Variants in VAV2 observed in about 807,000 individuals in gnomAD.
The protein encoded by VAV2 is vav guanine nucleotide exchange factor 2, also known as guanine nucleotide exchange factor VAV2.
VAV2 carries 67 observed loss-of-function variants against 132.5 expected under a neutral mutation model. That is an observed-to-expected ratio of 0.51 (90% CI 0.42 to 0.62). The LOEUF is 0.62. VAV2 is among the 20% of genes least tolerant of loss of function. The pLI, the probability that VAV2 is intolerant of heterozygous loss-of-function variation, is 0.00. For synonymous variants in VAV2, 492 were observed against 443.5 expected (o/e 1.11, Z -1.37); for missense variants, 938 against 1,153.6 (o/e 0.81, Z 2.71).
In VAV2 at chr9:133,991,916, G is replaced by A. The variant is rs1362732797; in HGVS notation, c.204+159C>T. On this transcript the variant is annotated intron_variant, in intron 1 of 29. Transcript: ENST00000371850. This position sits in a 1 kb window ranked among gnomAD's most constrained non-coding sequence, Gnocchi z 4.8. ...CGCCTCCTGAGGTCGCGTCTCGGAG[G>A]CCCGGGGCGCACCCTCCAGCCGCCC... Among the ~76,000 whole-genome samples, 1 of 150,718 alleles carries A rather than the reference G, an allele frequency of 6.6e-6. No homozygotes were observed. The highest frequency in any genetic ancestry group is 1.5e-5 in the Non-Finnish European group (1 of 67,544).
chr9:133,899,279 G>A (rs1028294749), intron 2 of VAV2, among the ~76,000 whole-genome samples: 3 of 151,844 alleles, frequency 2.0e-5, no homozygotes, highest in East Asian at 2.0e-4. Flanking sequence ...TCCTCAGGCC[G>A]GGTGCAGTGG....
chr9:133,821,243 AC>A (rs1297767471), intron 4 of VAV2, among the ~76,000 whole-genome samples: 1 of 152,230 alleles, frequency 6.6e-6, no homozygotes, highest in African/African-American at 2.4e-5. Flanking sequence ...CACCCATGCC[AC>A]ACCAGTGTCT....
intron 1 of VAV2, among the ~76,000 whole-genome samples, chr9:133,984,546 A>C (rs1335144284): frequency 6.6e-6 from 1 of 152,158 alleles, no homozygotes; most frequent in Non-Finnish European, 1.5e-5. Context: ...CCAGGAGTTT[A>C]AGGCTGCAGT....
chr9:133,786,241 G>A (rs1322620575), intron 16 of VAV2, among the ~76,000 whole-genome samples: 2 of 152,244 alleles, frequency 1.3e-5, no homozygotes, highest in African/African-American at 4.8e-5. Context: ...GCATGAGTGT[G>A]CCCAGTGCTC....
At chr9:133,859,751 A>T (rs1473491116) in intron 3 of VAV2, among the ~76,000 whole-genome samples, 1 of 152,246 alleles carries the variant, frequency 6.6e-6, no homozygotes, top group Non-Finnish European at 1.5e-5. Context: ...AAAAACAAAC[A>T]AAAAACACAT....
At position 133,834,594 on chromosome 9, in the gene VAV2, C is replaced by T. The variant is rs566642882; in HGVS notation, c.381-254G>A. 1.2e-4 allele frequency among the ~76,000 whole-genome samples: 18 copies of T among 152,358 alleles called. No homozygotes were observed. The highest frequency in any genetic ancestry group is 3.8e-4 in the African/African-American group (16 of 41,590). On this transcript the variant is annotated intron_variant, in intron 3 of 29. Coordinates refer to ENST00000371850, the MANE Select transcript of VAV2 (RefSeq NM_001134398.2). The surrounding 1 kb of genome is among the most constrained non-coding windows in gnomAD (Gnocchi z 5.9). ...AATGTGTCACGCCCACTCCGGGCTC[C>T]GGGTGTCCAGTGGGAAGACGAGAGG... is the stretch of plus-strand genomic sequence containing the variant.
At chr9:133,902,533 G>A (rs1839484598) in intron 2 of VAV2, among the ~76,000 whole-genome samples, 1 of 152,200 alleles carries the variant, frequency 6.6e-6, no homozygotes, top group Admixed American at 6.5e-5. Flanking sequence ...AGAGGCCAGG[G>A]GTGCTGGGGT....
intron 2 of VAV2, among the ~76,000 whole-genome samples, chr9:133,929,770 C>G (rs1840612173): frequency 6.6e-6 from 1 of 152,234 alleles, no homozygotes; most frequent in East Asian, 1.9e-4. Context: ...GTCCCCACCA[C>G]CAGCGACCCC....
At chr9:133,878,353 G>C (rs1838349272) in intron 2 of VAV2, among the ~76,000 whole-genome samples, 1 of 152,234 alleles carries the variant, frequency 6.6e-6, no homozygotes, top group Non-Finnish European at 1.5e-5. Flanking sequence ...GTGTGTTTCT[G>C]AAAGGATCTG....
rs749986761 is a variant in VAV2, at chr9:133,796,399, C to G, written c.1032+30G>C. On this transcript the variant is annotated intron_variant, in intron 11 of 29. Coordinates refer to ENST00000371850, the MANE Select transcript of VAV2 (RefSeq NM_001134398.2). ...CTCATCTGACTCCAGCAGTGATGAC[C>G]CCGCAGGCACCCGGGGCCCAGAGCC... The G allele has an allele frequency of 8.3e-5, 132 of 1,598,450 alleles. 4 individuals are homozygous for G. In the South Asian group the frequency reaches 1.5e-3, roughly 18 times the overall value.
At chr9:133,849,497 C>A (rs735520) in intron 3 of VAV2, among the ~76,000 whole-genome samples, 1 of 152,176 alleles carries the variant, frequency 6.6e-6, no homozygotes, top group African/African-American at 2.4e-5. Context: ...CTGGACCCTG[C>A]GTCCCAGAGC....
In VAV2 at chr9:133,763,972, C is replaced by T; in HGVS notation, c.*90G>A. 1 of 1,470,976 alleles carries T rather than the reference C, an allele frequency of 6.8e-7. No individual in the cohort carries two copies. The highest frequency in any genetic ancestry group is 1.1e-5 in the South Asian group (1 of 87,226). The allele number at this position is 1,470,976 out of a possible 1,614,324, so 91.1% of individuals were successfully genotyped here. A position where few individuals can be genotyped will look rare whatever the true frequency, so the allele number is the denominator to read the frequency against. On this transcript the variant is annotated 3_prime_UTR_variant, in exon 30 of 30. Coordinates refer to ENST00000371850, the MANE Select transcript of VAV2 (RefSeq NM_001134398.2). This position sits in a 1 kb window ranked among gnomAD's most constrained non-coding sequence, Gnocchi z 6.8. ...TGGAAGACTGGGAGGTTGGTATTTC[C>T]CCTCTGAGTCACAGAGGAGCTAGAG...
chr9:133,980,292 G>A (rs1842653293), intron 1 of VAV2, among the ~76,000 whole-genome samples: 1 of 152,204 alleles, frequency 6.6e-6, no homozygotes, highest in African/African-American at 2.4e-5. Context: ...ACAGCTGCAT[G>A]ACCTCAGACT....
intron 7 of VAV2, 113 bp from the exon 8 acceptor site, chr9:133,807,439 C>T: frequency 1.9e-6 from 2 of 1,066,740 alleles, no homozygotes; most frequent in South Asian, 1.7e-5. Flanking sequence ...TGGGGTGCTC[C>T]ATGCTTACTG....
chr9:133,955,004 G>A (rs1223607248), intron 1 of VAV2, among the ~76,000 whole-genome samples: 2 of 152,082 alleles, frequency 1.3e-5, no homozygotes, highest in Non-Finnish European at 2.9e-5. Context: ...GAATGCAAGT[G>A]CACTGAGGTG....
intron 3 of VAV2, among the ~76,000 whole-genome samples, chr9:133,846,082 TGCTGAA>T (rs1564400951): frequency 6.6e-6 from 1 of 152,314 alleles, no homozygotes; most frequent in East Asian, 1.9e-4. Flanking sequence ...ACGGAAGCTG[TGCTGAA>T]GCTCCCGATA....
chr9:133,787,352 G>A lies in VAV2; in HGVS notation c.1408-92C>T, dbSNP rs550332728. 5.8e-6 allele frequency: 8 copies of A among 1,373,736 alleles called. No homozygotes were observed. The African/African-American group carries it at 8.8e-5, about 15-fold the overall frequency. 85.1% of individuals were successfully genotyped at this position (1,373,736 alleles called of 1,614,324 possible). A position where few individuals can be genotyped will look rare whatever the true frequency, so the allele number is the denominator to read the frequency against. ...GGGTGCCGCAGTGTGGAGGCGCCAG[G>A]AGCCCTGGCAGGTGGAACACCCCCC... On this transcript the variant is annotated intron_variant, in intron 15 of 29. Coordinates refer to ENST00000371850, the MANE Select transcript of VAV2 (RefSeq NM_001134398.2).
intron 1 of VAV2, among the ~76,000 whole-genome samples, chr9:133,985,837 T>C (rs1008562124): frequency 6.6e-6 from 1 of 152,108 alleles, no homozygotes; most frequent in African/African-American, 2.4e-5. Context: ...AACCTGAGAC[T>C]ATGTGAGCAT....
intron 2 of VAV2, among the ~76,000 whole-genome samples, chr9:133,872,762 C>T (rs531461393): frequency 3.2e-4 from 48 of 148,178 alleles, no homozygotes; most frequent in African/African-American, 9.3e-4. Context: ...AACCATGGGG[C>T]TCTGGGAGCT....
Sources: gnomAD v4.1 joint callset for allele counts (sites outside exome capture counted in the v4.1 genomes callset) on GRCh38, gnomAD v4.1.1 for gene constraint, Gnocchi (gnomAD v3.1) non-coding constraint, MANE v1.5 for transcripts, NCBI Gene and HGNC (gene_info 2026-07-23, HGNC 2026-07-21) for gene names.